The following ITPKB variants were observed in gnomAD, a reference collection of about 807,000 sequenced individuals.
The protein encoded by ITPKB is inositol-trisphosphate 3-kinase B.
In ITPKB, 13 loss-of-function variants were observed where a neutral mutation model predicts 69.4. That is an observed-to-expected ratio of 0.19 (90% CI 0.12 to 0.30). ITPKB has a LOEUF of 0.30. Among genes scored for constraint, ITPKB ranks in the 10% least tolerant of loss-of-function variants. The probability of loss-of-function intolerance (pLI) is 1.00; values close to 1 mark genes in which losing one functional copy is unlikely to be tolerated. For missense variants in ITPKB, 1,240 were observed against 1,250.5 expected, an observed-to-expected ratio of 0.99 and a Z score of 0.13; for synonymous variants, 584 against 513.7, an observed-to-expected ratio of 1.14 and a Z score of -1.85.
intron 2 of ITPKB, among the ~76,000 whole-genome samples, chr1:226,730,249 G>A (rs1275469594): frequency 6.6e-6 from 1 of 152,192 alleles, no homozygotes; most frequent in Admixed American, 6.5e-5. Flanking sequence ...TGTTGTTTGG[G>A]ACTGCCTGTA....
At chr1:226,718,187 G>A (rs1571872887) in intron 2 of ITPKB, among the ~76,000 whole-genome samples, 2 of 151,890 alleles carry the variant, frequency 1.3e-5, no homozygotes, top group East Asian at 3.9e-4. Context: ...CCAGCTACTT[G>A]GGAGGCTGAG....
intron 2 of ITPKB, among the ~76,000 whole-genome samples, chr1:226,663,556 G>C (rs910335987): frequency 6.6e-6 from 1 of 152,020 alleles, no homozygotes; most frequent in African/African-American, 2.4e-5. Context: ...ACCCAGGCTG[G>C]AGTGGAGTCA....
chr1:226,680,839 G>A (rs1363770751), intron 2 of ITPKB, among the ~76,000 whole-genome samples: 2 of 152,172 alleles, frequency 1.3e-5, no homozygotes, highest in African/African-American at 2.4e-5. Context: ...CTGTCCCTGG[G>A]ACAAACGGGA....
intron 3 of ITPKB, 74 bp from the exon 4 acceptor site, chr1:226,647,454 G>A: frequency 9.1e-7 from 1 of 1,103,594 alleles, no homozygotes; most frequent in Non-Finnish European, 1.3e-6. Flanking sequence ...CCAGCACAGG[G>A]TCTGGGCCTC....
At position 226,639,795 on chromosome 1, in the gene ITPKB, C is replaced by A. The variant is rs1051062816; in HGVS notation, c.2452-137G>T. 14 of 673,266 alleles carry A rather than the reference C, an allele frequency of 2.1e-5. No individual in the cohort carries two copies. In the African/African-American group the frequency reaches 2.3e-4, roughly 11 times the overall value. 41.7% of individuals were successfully genotyped at this position (673,266 alleles called of 1,614,324 possible). ...AGGGCCAGTGGAGGCACCCAGGTGT[C>A]CACGTATGGCGCATGGAGGTGGCGT... On this transcript the variant is annotated intron_variant, in intron 5 of 7. Transcript: ENST00000429204.
chr1:226,672,910 A>C lies in ITPKB; in HGVS notation c.1933-24139T>G, dbSNP rs182408625. On this transcript the variant is annotated intron_variant, in intron 2 of 7. Transcript: ENST00000429204. Reference sequence around the variant, plus strand: ...AACAGGAAGAAGGTCCCAGGTGGAGAACCTGCATTTGGCTTCTGTACCCCA... The same window carrying C: ...AACAGGAAGAAGGTCCCAGGTGGAGCACCTGCATTTGGCTTCTGTACCCCA... Among the ~76,000 whole-genome samples, 3 of 152,330 alleles carry C rather than the reference A, an allele frequency of 2.0e-5. No individual in the cohort carries two copies. The East Asian group carries it at 5.8e-4, about 29-fold the overall frequency.
At chr1:226,704,318 C>T (rs928617114) in intron 2 of ITPKB, among the ~76,000 whole-genome samples, 2 of 152,130 alleles carry the variant, frequency 1.3e-5, no homozygotes, top group Admixed American at 6.5e-5. Flanking sequence ...TTATACATGA[C>T]CAATAAAGTA....
At chr1:226,690,855 T>C (rs1284945192) in intron 2 of ITPKB, among the ~76,000 whole-genome samples, 1 of 152,170 alleles carries the variant, frequency 6.6e-6, no homozygotes. Context: ...AAATGTGATA[T>C]AGACACACAA....
At position 226,641,892 on chromosome 1, in the gene ITPKB, C is replaced by A; in HGVS notation, c.2451+29G>T. 6.3e-7 allele frequency: 1 copy of A among 1,599,256 alleles called. No homozygotes were observed. The highest frequency in any genetic ancestry group is 8.5e-7 in the Non-Finnish European group (1 of 1,170,350). On this transcript the variant is annotated intron_variant, in intron 5 of 7. Coordinates refer to ENST00000429204, the MANE Select transcript of ITPKB (RefSeq NM_002221.4). The surrounding 1 kb of genome is among the most constrained non-coding windows in gnomAD (Gnocchi z 4.6). ...CCCCTGAGGTGGGCACGGGTGGGGC[C>A]CGAGGCTGCCCTCACTCGCCGGCCT... is the stretch of plus-strand genomic sequence containing the variant.
At chr1:226,711,886 T>G (rs1267072420) in intron 2 of ITPKB, among the ~76,000 whole-genome samples, 2 of 152,146 alleles carry the variant, frequency 1.3e-5, no homozygotes, top group East Asian at 3.9e-4. Flanking sequence ...GGTCCCCAGC[T>G]CAGCTAGTGG....
intron 2 of ITPKB, among the ~76,000 whole-genome samples, chr1:226,690,756 C>G (rs1656330367): frequency 6.6e-6 from 1 of 152,214 alleles, no homozygotes; most frequent in Non-Finnish European, 1.5e-5. Context: ...GGAAATCAGG[C>G]CTGCATCTCA....
At chr1:226,647,882 T>C (rs917231194) in intron 3 of ITPKB, among the ~76,000 whole-genome samples, 24 of 152,238 alleles carry the variant, frequency 1.6e-4, no homozygotes, top group Non-Finnish European at 3.1e-4. Flanking sequence ...ACCAAGTAAG[T>C]ATTCACACAG....
intron 2 of ITPKB, among the ~76,000 whole-genome samples, chr1:226,688,237 T>C (rs191487887): frequency 2.6e-5 from 4 of 152,316 alleles, no homozygotes; most frequent in Admixed American, 2.0e-4. Flanking sequence ...GAAAAGAGCA[T>C]AGCCTTTTAA....
intron 2 of ITPKB, among the ~76,000 whole-genome samples, chr1:226,661,801 C>T (rs560023517): frequency 1.7e-4 from 26 of 152,310 alleles, no homozygotes; most frequent in Non-Finnish European, 3.1e-4. Flanking sequence ...GCCTATGGAT[C>T]GGATGAACTG....
chr1:226,672,463 G>A (rs1374977508), intron 2 of ITPKB, among the ~76,000 whole-genome samples: 1 of 152,108 alleles, frequency 6.6e-6, no homozygotes, highest in Admixed American at 6.5e-5. Context: ...TGTTCCTTTT[G>A]CCTTTGAAAA....
chr1:226,687,867 T>C lies in ITPKB; in HGVS notation c.1933-39096A>G, dbSNP rs77808349. ...GTAAAAAGATTAAAAAGATACTGCTTCCGAGTTTCCTCAAGGAGCTCACCA... is the reference window on the plus strand; with the variant it reads ...GTAAAAAGATTAAAAAGATACTGCTCCCGAGTTTCCTCAAGGAGCTCACCA... On this transcript the variant is annotated intron_variant, in intron 2 of 7. Transcript: ENST00000429204. Among the ~76,000 whole-genome samples the C allele has an allele frequency of 6.7e-3, 1,013 of 152,248 alleles. 16 individuals carry two copies. Among genetic ancestry groups the C allele is most frequent in the African/African-American group, 0.023 (962 of 41,530 alleles).
intron 2 of ITPKB, among the ~76,000 whole-genome samples, chr1:226,699,868 G>A (rs1656591835): frequency 6.6e-6 from 1 of 152,170 alleles, no homozygotes; most frequent in Admixed American, 6.5e-5. Flanking sequence ...TAACTCACAT[G>A]ATCACAGGTC....
intron 2 of ITPKB, among the ~76,000 whole-genome samples, chr1:226,724,092 C>T (rs978381764): frequency 2.6e-5 from 4 of 152,084 alleles, no homozygotes; most frequent in African/African-American, 9.7e-5. Context: ...GCATTATCTC[C>T]TTTCATCTTC....
chr1:226,652,750 T>C (rs1669218759), intron 2 of ITPKB, among the ~76,000 whole-genome samples: 2 of 152,218 alleles, frequency 1.3e-5, no homozygotes, highest in Non-Finnish European at 2.9e-5. Context: ...AGACATCCCT[T>C]GTGGACACCT....
Sources: allele counts gnomAD v4.1 joint callset (sites outside exome capture counted in the v4.1 genomes callset), GRCh38; gene constraint gnomAD v4.1.1; non-coding constraint Gnocchi (gnomAD v3.1); transcripts MANE v1.5; gene names NCBI Gene and HGNC (gene_info 2026-07-23, HGNC 2026-07-21).